The following NOL4 variants were observed in gnomAD, a reference collection of about 807,000 sequenced individuals.
NOL4 encodes nucleolar protein 4, also known as cancer/testis antigen 125.
A neutral mutation model predicts 75.9 loss-of-function variants in NOL4; 17 were observed. The observed-to-expected ratio is 0.22, with a 90% CI of 0.15 to 0.34. NOL4 has a LOEUF of 0.34. Ranked by LOEUF, NOL4 falls within the 10% of genes least tolerant of loss-of-function variation. The pLI is 1.00. For synonymous variants in NOL4, 292 were observed against 289.9 expected (o/e 1.01, Z -0.07); for missense variants, 614 against 793.5 (o/e 0.77, Z 2.72).
intron 5 of NOL4, among the ~76,000 whole-genome samples, chr18:34,067,687 T>C (rs2077339447): frequency 6.6e-6 from 1 of 152,134 alleles, no homozygotes. Context: ...TCCAAGTCTT[T>C]TGGTCGGAGC....
chr18:33,867,973 C>G (rs979808111), intron 10 of NOL4, among the ~76,000 whole-genome samples: 3 of 151,860 alleles, frequency 2.0e-5, no homozygotes, highest in Admixed American at 6.6e-5. Flanking sequence ...CTCAAGTCTT[C>G]AATTGATGGG....
At chr18:34,100,425 C>T (rs2078993966) in intron 4 of NOL4, among the ~76,000 whole-genome samples, 1 of 152,160 alleles carries the variant, frequency 6.6e-6, no homozygotes, top group African/African-American at 2.4e-5. Context: ...TCATCCTGAG[C>T]ACCCCATAAA....
chr18:34,157,595 A>G (rs1227763233), intron 1 of NOL4, among the ~76,000 whole-genome samples: 1 of 152,102 alleles, frequency 6.6e-6, no homozygotes, highest in Non-Finnish European at 1.5e-5. Flanking sequence ...ATGTGGATGA[A>G]AAGGCCCAGG....
At chr18:34,142,503 A>T (rs1259700967) in intron 1 of NOL4, among the ~76,000 whole-genome samples, 2 of 152,226 alleles carry the variant, frequency 1.3e-5, no homozygotes, top group African/African-American at 2.4e-5. Context: ...ATGCAGCCAT[A>T]AAAAATGATG....
chr18:33,893,581 T>C (rs977196961), intron 9 of NOL4, among the ~76,000 whole-genome samples: 1 of 152,176 alleles, frequency 6.6e-6, no homozygotes, highest in Non-Finnish European at 1.5e-5. Context: ...CTTTTCTAAA[T>C]CTTCCAAGAA....
intron 9 of NOL4, among the ~76,000 whole-genome samples, chr18:33,935,089 T>C (rs991469527): frequency 1.3e-5 from 2 of 152,048 alleles, no homozygotes; most frequent in Non-Finnish European, 2.9e-5. Context: ...GGTCTGGAAC[T>C]TCTGGGCTCA....
intron 8 of NOL4, among the ~76,000 whole-genome samples, chr18:33,956,133 A>G (rs1408373171): frequency 6.6e-6 from 1 of 152,114 alleles, no homozygotes. Flanking sequence ...TATTACTATG[A>G]ATTTAAGATC....
At chr18:34,144,449 T>C (rs2081317565) in intron 1 of NOL4, among the ~76,000 whole-genome samples, 2 of 152,242 alleles carry the variant, frequency 1.3e-5, no homozygotes, top group East Asian at 3.9e-4. Flanking sequence ...ACTCATCTAA[T>C]GTGACACCTC....
intron 3 of NOL4, among the ~76,000 whole-genome samples, chr18:34,104,794 AT>A (rs2079193611): frequency 6.6e-6 from 1 of 151,868 alleles, no homozygotes; most frequent in Admixed American, 6.6e-5. Context: ...TGAAATACAT[AT>A]AATAAATGAA....
chr18:34,015,993 G>A (rs904578939), intron 6 of NOL4, among the ~76,000 whole-genome samples: 2 of 151,970 alleles, frequency 1.3e-5, no homozygotes, highest in African/African-American at 4.8e-5. Flanking sequence ...AAGGCATACT[G>A]CAGTGGACAA....
In NOL4 at chr18:33,852,110, G is replaced by C. The variant is rs2144083512; in HGVS notation, c.*732C>G. The C allele has an allele frequency of 6.6e-6, 1 of 152,572 alleles. No individual in the cohort carries two copies. The highest frequency in any genetic ancestry group is 1.5e-5 in the Non-Finnish European group (1 of 67,990). 9.5% of individuals were successfully genotyped at this position (152,572 alleles called of 1,614,324 possible). The stretch of plus-strand genomic sequence containing the variant: ...AGTGGGGTTTTTGAGATCAGCATGA[G>C]AGCAGAAATGCAGGCTTCTCTTGGA... On this transcript the variant is annotated 3_prime_UTR_variant, in exon 11 of 11. Transcript: ENST00000261592.
At chr18:34,185,219 A>C (rs572203270) in intron 1 of NOL4, among the ~76,000 whole-genome samples, 14 of 152,332 alleles carry the variant, frequency 9.2e-5, no homozygotes, top group African/African-American at 3.1e-4. Flanking sequence ...CCTACTTGCA[A>C]GCTAATAATT....
chr18:33,881,486 G>T (rs1332771941), intron 10 of NOL4, among the ~76,000 whole-genome samples: 1 of 151,920 alleles, frequency 6.6e-6, no homozygotes, highest in Non-Finnish European at 1.5e-5. Flanking sequence ...CATTCAGTAT[G>T]ATATTGGCTG....
chr18:34,213,602 T>C (rs1568456780), intron 1 of NOL4, among the ~76,000 whole-genome samples: 2 of 152,216 alleles, frequency 1.3e-5, no homozygotes, highest in African/African-American at 2.4e-5. Flanking sequence ...TTCTTATGAA[T>C]GAATTAATGT....
At chr18:34,131,135 G>A (rs2080634375) in intron 1 of NOL4, among the ~76,000 whole-genome samples, 1 of 150,260 alleles carries the variant, frequency 6.7e-6, no homozygotes, top group Admixed American at 6.7e-5. Context: ...ATAATTTGAA[G>A]TAACATAACA....
chr18:34,136,692 C>T (rs963521393), intron 1 of NOL4, among the ~76,000 whole-genome samples: 3 of 151,992 alleles, frequency 2.0e-5, no homozygotes, highest in African/African-American at 7.2e-5. Flanking sequence ...TTAATATGAG[C>T]TAAATAAACT....
intron 1 of NOL4, chr18:34,221,167 G>A (rs982387682): frequency 1.3e-5 from 2 of 152,096 alleles, no homozygotes; most frequent in Admixed American, 6.6e-5. Flanking sequence ...CTGACAGTTA[G>A]AGGGACCTAA....
At chr18:34,126,319 C>T (rs774317183) in intron 2 of NOL4, among the ~76,000 whole-genome samples, 2 of 152,102 alleles carry the variant, frequency 1.3e-5, no homozygotes, top group Non-Finnish European at 2.9e-5. Context: ...TTTGAAACTG[C>T]GTTAGTCTGG....
intron 5 of NOL4, among the ~76,000 whole-genome samples, chr18:34,028,508 G>A (rs1466314909): frequency 1.3e-5 from 2 of 152,208 alleles, no homozygotes; most frequent in African/African-American, 4.8e-5. Context: ...AACTAGCCCA[G>A]GCTGAAACTG....
Sources: gnomAD v4.1 joint callset for allele counts (sites outside exome capture counted in the v4.1 genomes callset) on GRCh38, gnomAD v4.1.1 for gene constraint, MANE v1.5 for transcripts, NCBI Gene and HGNC (gene_info 2026-07-23, HGNC 2026-07-21) for gene names.